KHDC4: variants seen among roughly 807,000 people sequenced by gnomAD.
KHDC4 encodes the protein KH domain containing 4, pre-mRNA splicing factor.
Under a neutral mutation model 74.5 loss-of-function variants are expected in KHDC4, and 19 were observed. That is an observed-to-expected ratio of 0.26 (90% CI 0.18 to 0.37). The LOEUF is 0.37. Among genes scored for constraint, KHDC4 ranks in the 10% least tolerant of loss-of-function variants. The pLI is 1.00. For synonymous variants in KHDC4, 253 were observed against 266.1 expected (o/e 0.95, Z 0.48); for missense variants, 632 against 754.1 (o/e 0.84, Z 1.90).
intron 4 of KHDC4, among the ~76,000 whole-genome samples, chr1:155,927,803 CAAAAAAA>C (rs1157393289): frequency 6.1e-4 from 5 of 8,138 alleles, no homozygotes; most frequent in South Asian, 3.8e-3. Flanking sequence ...ACTCTGTCTC[CAAAAAAA>C]AAAAAAAAAA....
At chr1:155,932,866 G>A (rs1204693924) in intron 2 of KHDC4, among the ~76,000 whole-genome samples, 1 of 152,086 alleles carries the variant, frequency 6.6e-6, no homozygotes, top group Non-Finnish European at 1.5e-5. Flanking sequence ...GAACCCAGGA[G>A]ACAGAGGTTG....
At position 155,916,419 on chromosome 1, in the gene KHDC4, T is replaced by A. The variant is rs1673731576; in HGVS notation, c.1553+206A>T. Among the ~76,000 whole-genome samples, 4 of 152,186 alleles carry A rather than the reference T, an allele frequency of 2.6e-5. No individual in the cohort carries two copies. In the South Asian group the frequency reaches 8.3e-4, roughly 32 times the overall value. On this transcript the variant is annotated intron_variant, in intron 12 of 13. Transcript: ENST00000368321. ...GATGTCTGAACAAGTAATAAATTAT[T>A]CAAAACCGAATATAACTGCTTCTAA...
chr1:155,914,449 G>C (rs1673688806), intron 13 of KHDC4, 129 bp from the exon 14 acceptor site: 2 of 711,390 alleles, frequency 2.8e-6, no homozygotes, highest in Admixed American at 2.9e-5. Flanking sequence ...GAGGTCACAG[G>C]GTCAATGGTC....
intron 9 of KHDC4, 30 bp downstream of exon 9, chr1:155,921,829 AAT>A: frequency 6.5e-7 from 1 of 1,543,406 alleles, no homozygotes; most frequent in Admixed American, 1.7e-5. Context: ...TCACTAGCAA[AAT>A]ATTTTTTAAA....
chr1:155,916,637 C>G lies in KHDC4; in HGVS notation c.1541G>C (p.Arg514Thr). The change falls in exon 12 of 14, where the codon AGA becomes ACA. Residue 514 changes from arginine to threonine, a missense_variant. Transcript: ENST00000368321. ...TATTCCAACTTACCTGTCCCTCTCT[C>G]TCTCTTTGCCTGAGGAACTTGCTGG... ...SKPASSSGKE[R>T]ERDRQLMPPP... 1 of 1,611,334 alleles carries G rather than the reference C, an allele frequency of 6.2e-7. No individual in the cohort carries two copies. The highest frequency in any genetic ancestry group is 8.5e-7 in the Non-Finnish European group (1 of 1,178,250).
rs1262453330 is a variant in KHDC4, at chr1:155,921,595, G to A, written c.1046C>T (p.Pro349Leu). The A allele has an allele frequency of 1.2e-6, 2 of 1,613,962 alleles. No homozygotes were observed. The highest frequency in any genetic ancestry group is 2.7e-5 in the African/African-American group (2 of 74,904). The change falls in exon 10 of 14, where the codon CCT (proline) becomes CTT (leucine). Residue 349 changes from proline (P) to leucine (L), a missense_variant. Pro to Leu is a moderately conservative substitution (Grantham distance 98). Transcript: ENST00000368321. ...GGATGGATAATATGGTGGTTGAGGAGGGACACTACTTATAGCAGAGGGTTG... is the reference window on the plus strand; with the variant it reads ...GGATGGATAATATGGTGGTTGAGGAAGGACACTACTTATAGCAGAGGGTTG... ...YTQPSAISSV[P>L]PQPPYYPSNG...
At chr1:155,919,074 TCTC>T (rs1241208288) in intron 10 of KHDC4, among the ~76,000 whole-genome samples, 2 of 149,870 alleles carry the variant, frequency 1.3e-5, no homozygotes, top group Non-Finnish European at 3.0e-5. Flanking sequence ...TTCAAGCAAT[TCTC>T]CTGCCTCAGC....
chr1:155,925,490 T>C, intron 7 of KHDC4, 142 bp downstream of exon 7: 1 of 683,272 alleles, frequency 1.5e-6, no homozygotes, highest in South Asian at 1.8e-5. Flanking sequence ...TAACTAATTA[T>C]AAAGTAATTA....
At position 155,933,687 on chromosome 1, in the gene KHDC4, A is replaced by G. The variant is rs775749038; in HGVS notation, c.201T>C (p.Asn67=). 6.2e-7 allele frequency: 1 copy of G among 1,613,148 alleles called. No homozygotes were observed. Among genetic ancestry groups the G allele is most frequent in the Non-Finnish European group, 8.5e-7 (1 of 1,179,276 alleles). The change falls in exon 2 of 14, where the codon AAT becomes AAC. Residue 67 remains asparagine, a synonymous_variant. Transcript: ENST00000368321. ...DAAAAVAAKI[N]AMLMAKGKLK... ...GCTTCCCTTTTGCCATGAGCATGGC[A>G]TTAATCTTGGCAGCCACAGCAGCAG...
chr1:155,934,324 CT>C lies in KHDC4; in HGVS notation c.38+11del. On this transcript the variant is annotated intron_variant, in intron 1 of 13. Coordinates refer to ENST00000368321, the MANE Select transcript of KHDC4 (RefSeq NM_014949.4). ...AGTGCTCGCTCCGATGCCCTCGCCC[CT>C]GAAGCCGTACCCGCCAGCTCCAGGA... is the stretch of plus-strand genomic sequence containing the variant. 1 of 1,608,544 alleles carries C rather than the reference CT, an allele frequency of 6.2e-7. No homozygotes were observed. The highest frequency in any genetic ancestry group is 1.1e-5 in the South Asian group (1 of 90,984).
At chr1:155,921,173 G>A (rs1673855071) in intron 10 of KHDC4, 2 of 597,522 alleles carry the variant, frequency 3.3e-6, no homozygotes, top group Admixed American at 6.0e-5. Context: ...TGCAAGACTT[G>A]TGAAAATATA....
intron 2 of KHDC4, 39 bp from the exon 3 acceptor site, chr1:155,929,879 T>C: frequency 1.4e-6 from 2 of 1,418,944 alleles, no homozygotes; most frequent in Non-Finnish European, 1.9e-6. Flanking sequence ...GTTTTTATGA[T>C]GAGATAAAGT....
At chr1:155,930,231 C>G (rs2102609061) in intron 2 of KHDC4, among the ~76,000 whole-genome samples, 1 of 152,244 alleles carries the variant, frequency 6.6e-6, no homozygotes, top group East Asian at 1.9e-4. Context: ...GCCTTTTAGT[C>G]ATCCAATGTA....
At chr1:155,923,762 T>C in intron 7 of KHDC4, 75 bp from the exon 8 acceptor site, 3 of 1,183,316 alleles carry the variant, frequency 2.5e-6, no homozygotes, top group Non-Finnish European at 3.8e-6. Context: ...TCATTTTCCA[T>C]GCTATTTTAC....
chr1:155,918,607 C>A (rs1159519450), intron 10 of KHDC4, among the ~76,000 whole-genome samples: 1 of 151,774 alleles, frequency 6.6e-6, no homozygotes, highest in Non-Finnish European at 1.5e-5. Flanking sequence ...TTCTAGGCTA[C>A]AATCCTGTAT....
At position 155,921,538 on chromosome 1, in the gene KHDC4, G is replaced by A; in HGVS notation, c.1103C>T (p.Pro368Leu). The A allele has an allele frequency of 6.2e-7, 1 of 1,614,074 alleles. No homozygotes were observed. Among genetic ancestry groups the A allele is most frequent in the Non-Finnish European group, 8.5e-7 (1 of 1,180,010 alleles). ...NGYQSGYPVV[P>L]PPQQPVQPPY... ...AGGTTGAACTGGCTGCTGAGGAGGG[G>A]GAACAACAGGGTAACCAGACTGATA... The change falls in exon 10 of 14, where the codon CCC becomes CTC. Residue 368 changes from proline to leucine, a missense_variant. By Grantham distance (98) the Pro-to-Leu change is moderately conservative (BLOSUM62 -3). Coordinates refer to ENST00000368321, the MANE Select transcript of KHDC4 (RefSeq NM_014949.4).
At chr1:155,916,600 C>A (rs1673735474) in intron 12 of KHDC4, 25 bp downstream of exon 12, 1 of 1,454,542 alleles carries the variant, frequency 6.9e-7, no homozygotes, top group Admixed American at 1.7e-5. Flanking sequence ...CATCTGAATA[C>A]ATTTGCATAA....
rs774438506 is a variant in KHDC4, at chr1:155,925,872, A to T, written c.682-29T>A. 7.5e-6 allele frequency: 11 copies of T among 1,459,286 alleles called. No homozygotes were observed. The South Asian group carries it at 1.3e-4, about 17-fold the overall frequency. The allele number at this position is 1,459,286 out of a possible 1,614,324, so 90.4% of individuals were successfully genotyped here. A position where few individuals can be genotyped will look rare whatever the true frequency, so the allele number is the denominator to read the frequency against. ...TAGGAAGAACAGAATACTTCAGATTAAACAGAATATATAATTAAATCCTCA... is the reference window on the plus strand; with the variant it reads ...TAGGAAGAACAGAATACTTCAGATTTAACAGAATATATAATTAAATCCTCA... On this transcript the variant is annotated intron_variant, in intron 6 of 13. Transcript: ENST00000368321.
intron 13 of KHDC4, chr1:155,915,531 G>C (rs1673712878): frequency 3.4e-6 from 1 of 298,012 alleles, no homozygotes; most frequent in South Asian, 1.6e-4. Flanking sequence ...TTTATGAGAT[G>C]GAGTCTTGCT....
Sources: gnomAD v4.1 joint callset for allele counts (sites outside exome capture counted in the v4.1 genomes callset) on GRCh38, gnomAD v4.1.1 for gene constraint, MANE v1.5 for transcripts, NCBI Gene and HGNC (gene_info 2026-07-23, HGNC 2026-07-21) for gene names.